Variants in SPMIP6 observed in about 807,000 individuals in gnomAD.
SPMIP6 encodes the protein ciliated bronchial epithelial protein 1.
At chr9:34,386,533 G>A in the SPMIP6 span, among the ~76,000 whole-genome samples, 1 of 150,674 alleles carries the variant, frequency 6.6e-6, no homozygotes, top group Non-Finnish European at 1.5e-5. Context: ...AGGTTGCAGT[G>A]AGCTGAGATC....
the SPMIP6 span, among the ~76,000 whole-genome samples, chr9:34,393,469 C>T: frequency 2.6e-5 from 4 of 151,958 alleles, no homozygotes; most frequent in Non-Finnish European, 5.9e-5. Context: ...TCTTATCTTT[C>T]CTTGGTTTTT....
the SPMIP6 span, among the ~76,000 whole-genome samples, chr9:34,386,025 G>A: frequency 2.6e-5 from 4 of 152,300 alleles, no homozygotes; most frequent in East Asian, 5.8e-4. Flanking sequence ...GTGGCCTTAC[G>A]TCAGAGTAGT....
the SPMIP6 span, among the ~76,000 whole-genome samples, chr9:34,392,669 A>G: frequency 3.9e-5 from 6 of 152,300 alleles, no homozygotes; most frequent in South Asian, 1.2e-3. The surrounding 1 kb of genome is among the most constrained non-coding windows in gnomAD (Gnocchi z 4.6). Flanking sequence ...CTTTGCATCT[A>G]TTTTTAAGCC....
chr9:34,394,013 G>A, the SPMIP6 span, among the ~76,000 whole-genome samples: 1 of 151,992 alleles, frequency 6.6e-6, no homozygotes, highest in Admixed American at 6.6e-5. Context: ...ATAGAGACAA[G>A]GTCTCACTAT....
At chr9:34,385,446 C>T in the SPMIP6 span, among the ~76,000 whole-genome samples, 1 of 145,818 alleles carries the variant, frequency 6.9e-6, no homozygotes, top group African/African-American at 2.6e-5. Flanking sequence ...GTAGGAAAAT[C>T]ACTTGAACCT....
the SPMIP6 span, among the ~76,000 whole-genome samples, chr9:34,389,353 A>G: frequency 6.6e-6 from 1 of 152,238 alleles, no homozygotes. Flanking sequence ...CCTTGTAAAC[A>G]CAAAAGTTTT....
the SPMIP6 span, chr9:34,382,755 T>G: frequency 5.0e-6 from 8 of 1,611,774 alleles, no homozygotes. Context: ...AACAGATACC[T>G]TAGGCAGCCG....
chr9:34,382,710 G>C, the SPMIP6 span: 1 of 1,287,692 alleles, frequency 7.8e-7, no homozygotes, highest in Non-Finnish European at 1.1e-6. Flanking sequence ...GGTGGGGTAT[G>C]CGTGTCCCAG....
At chr9:34,384,583 G>A in the SPMIP6 span, among the ~76,000 whole-genome samples, 1 of 152,176 alleles carries the variant, frequency 6.6e-6, no homozygotes, top group Non-Finnish European at 1.5e-5. Context: ...GGTAATCAGA[G>A]CCATGCAAGA....
At chr9:34,386,354 G>A in the SPMIP6 span, among the ~76,000 whole-genome samples, 2 of 152,148 alleles carry the variant, frequency 1.3e-5, no homozygotes, top group African/African-American at 4.8e-5. Flanking sequence ...CTAGCCCTTT[G>A]GGAGGCCGAG....
At chr9:34,381,540 C>A in the SPMIP6 span, 1 of 1,567,038 alleles carries the variant, frequency 6.4e-7, no homozygotes, top group Non-Finnish European at 8.6e-7. The surrounding 1 kb of genome is among the most constrained non-coding windows in gnomAD (Gnocchi z 4.4). Flanking sequence ...CGCCACGCCG[C>A]AACTTCTCCC....
chr9:34,392,805 A>G, the SPMIP6 span, among the ~76,000 whole-genome samples: 13 of 152,174 alleles, frequency 8.5e-5, no homozygotes, highest in Non-Finnish European at 1.6e-4. The surrounding 1 kb of genome is among the most constrained non-coding windows in gnomAD (Gnocchi z 4.6). Context: ...AACAATGATG[A>G]TATGGATGGC....
At chr9:34,385,049 G>A in the SPMIP6 span, among the ~76,000 whole-genome samples, 2 of 152,112 alleles carry the variant, frequency 1.3e-5, no homozygotes, top group African/African-American at 4.8e-5. Flanking sequence ...GTCTGTGGGA[G>A]GTTAATCCTT....
At chr9:34,380,979 G>T in the SPMIP6 span, 1 of 1,608,790 alleles carries the variant, frequency 6.2e-7, no homozygotes, top group South Asian at 1.1e-5. Flanking sequence ...TCCATCCCGC[G>T]CAGACAGTAG....
At chr9:34,381,097 C>T in the SPMIP6 span, 1 of 1,608,084 alleles carries the variant, frequency 6.2e-7, no homozygotes, top group Non-Finnish European at 8.5e-7. This position sits in a 1 kb window ranked among gnomAD's most constrained non-coding sequence, Gnocchi z 4.4. Context: ...GGTTCCGCGA[C>T]AGTGAGTTCA....
At chr9:34,397,379 T>C in the SPMIP6 span, 5 of 1,118,072 alleles carry the variant, frequency 4.5e-6, no homozygotes, top group Non-Finnish European at 6.7e-6. Flanking sequence ...ATTCTGTGCC[T>C]AGGTAAATGA....
At chr9:34,381,014 T>G in the SPMIP6 span, 1 of 1,611,464 alleles carries the variant, frequency 6.2e-7, no homozygotes, top group South Asian at 1.1e-5. This position sits in a 1 kb window ranked among gnomAD's most constrained non-coding sequence, Gnocchi z 4.4. Flanking sequence ...AGCACTTTCG[T>G]AACCATGGAA....
At chr9:34,397,785 C>A in the SPMIP6 span, 9 of 751,812 alleles carry the variant, frequency 1.2e-5, no homozygotes, top group East Asian at 2.4e-4. Flanking sequence ...CTCTCAGCTT[C>A]CTTCCCCAAC....
chr9:34,380,861 G>A, the SPMIP6 span: 3 of 1,535,358 alleles, frequency 2.0e-6, no homozygotes, highest in Admixed American at 4.0e-5. Context: ...CTTGTGTGGG[G>A]TGGAGCCCGG....
Sources: allele counts gnomAD v4.1 joint callset (sites outside exome capture counted in the v4.1 genomes callset), GRCh38; gene constraint gnomAD v4.1.1; non-coding constraint Gnocchi (gnomAD v3.1); transcripts MANE v1.5; gene names NCBI Gene and HGNC (gene_info 2026-07-23, HGNC 2026-07-21).